The following FAS variants were observed in gnomAD, a reference collection of about 807,000 sequenced individuals.
FAS encodes tumor necrosis factor receptor superfamily member 6.
FAS carries 5 observed loss-of-function variants against 33.2 expected under a neutral mutation model. The observed-to-expected ratio is 0.15, with a 90% confidence interval of 0.08 to 0.32. The LOEUF (loss-of-function observed/expected upper bound fraction) is 0.32, where lower values mean the gene tolerates loss of function less well. Ranked by LOEUF, FAS falls within the 10% of genes least tolerant of loss-of-function variation. The probability of loss-of-function intolerance (pLI) is 1.00; values close to 1 mark genes in which losing one functional copy is unlikely to be tolerated. For missense variants in FAS, 339 were observed against 386.0 expected, an observed-to-expected ratio of 0.88 and a Z score of 1.02; for synonymous variants, 131 against 130.7, an observed-to-expected ratio of 1.00 and a Z score of -0.01.
At chr10:89,002,945 G>A in intron 1 of FAS, 84 bp from the exon 2 acceptor site, 1 of 1,496,114 alleles carries the variant, frequency 6.7e-7, no homozygotes, top group Non-Finnish European at 9.2e-7. Flanking sequence ...AGCAGATACT[G>A]CCAATTTTGG....
intron 1 of FAS, chr10:89,002,803 T>C: frequency 1.9e-6 from 1 of 529,316 alleles, no homozygotes; most frequent in Non-Finnish European, 3.4e-6. Context: ...CTGGCTTCTA[T>C]CATTCATGGT....
chr10:88,966,402 G>A (rs916280495), intron 1 of FAS, among the ~76,000 whole-genome samples: 3 of 152,152 alleles, frequency 2.0e-5, no homozygotes, highest in African/African-American at 4.8e-5. Flanking sequence ...TGGCTTTGAA[G>A]AGTTCACTAA....
chr10:88,972,742 A>G (rs916096631), intron 1 of FAS, among the ~76,000 whole-genome samples: 3 of 152,162 alleles, frequency 2.0e-5, no homozygotes, highest in African/African-American at 4.8e-5. Flanking sequence ...TATAATGTAT[A>G]TTATAAGCCT....
upstream of FAS, among the ~76,000 whole-genome samples, chr10:88,988,302 T>C (rs1391888618): frequency 6.6e-6 from 1 of 152,024 alleles, no homozygotes; most frequent in African/African-American, 2.4e-5. Context: ...TAGCTGGGAG[T>C]TATTAAAATC....
upstream of FAS, chr10:88,989,544 ACAGAG>A (rs1484157800): frequency 1.8e-6 from 1 of 543,272 alleles, no homozygotes; most frequent in Non-Finnish European, 3.7e-6. Flanking sequence ...GAAAGGTGGA[ACAGAG>A]ACAAGCCTAT....
At chr10:89,013,122 G>A (rs1215754932) in intron 7 of FAS, among the ~76,000 whole-genome samples, 2 of 151,918 alleles carry the variant, frequency 1.3e-5, no homozygotes, top group African/African-American at 4.8e-5. Flanking sequence ...TAAAAACTAA[G>A]ACAATATTGC....
intron 1 of FAS, among the ~76,000 whole-genome samples, chr10:88,997,251 C>T (rs557148890): frequency 6.6e-6 from 1 of 152,320 alleles, no homozygotes; most frequent in East Asian, 1.9e-4. Flanking sequence ...GGGGCCTTAG[C>T]ACTTTTTATT....
In FAS at chr10:88,981,222, C is replaced by T. The variant is rs568066732; in HGVS notation, n.260+7875C>T. 6.6e-5 allele frequency among the ~76,000 whole-genome samples: 10 copies of T among 152,284 alleles called. No homozygotes were observed. In the East Asian group the frequency reaches 1.9e-3, roughly 29 times the overall value. ...GCTGTGTGCAAATTAGTTAAACTCA[C>T]CTAACCTATGTTTCTTAATCTGTAA... On this transcript the variant is annotated intron_variant and non_coding_transcript_variant, in intron 2 of 3. Coordinates refer to the FAS transcript ENST00000688239.
At chr10:89,011,977 T>TA (rs1848551874) in intron 6 of FAS, 22 bp from the exon 7 acceptor site, 2 of 1,607,304 alleles carry the variant, frequency 1.2e-6, no homozygotes, top group South Asian at 1.1e-5. Flanking sequence ...CCTGAGTTGA[T>TA]AAAATTTCTT....
At chr10:88,977,005 A>G (rs562577166) in intron 2 of FAS, among the ~76,000 whole-genome samples, 1 of 152,338 alleles carries the variant, frequency 6.6e-6, no homozygotes, top group Non-Finnish European at 1.5e-5. Context: ...ATGCCTACAT[A>G]TCCCAAAGGA....
At chr10:88,967,554 G>A (rs940630208) in intron 1 of FAS, among the ~76,000 whole-genome samples, 1 of 152,084 alleles carries the variant, frequency 6.6e-6, no homozygotes, top group Admixed American at 6.6e-5. Context: ...GACAATCCAC[G>A]TTACCTAAGC....
chr10:88,981,667 G>A (rs1374384594), intron 2 of FAS, among the ~76,000 whole-genome samples: 2 of 152,158 alleles, frequency 1.3e-5, no homozygotes, highest in East Asian at 1.9e-4. Flanking sequence ...ATCCTGGGAA[G>A]GGAACACTGT....
At chr10:88,968,370 T>C (rs1204630289) in intron 1 of FAS, among the ~76,000 whole-genome samples, 1 of 152,078 alleles carries the variant, frequency 6.6e-6, no homozygotes, top group Non-Finnish European at 1.5e-5. Context: ...ATATGCAGGG[T>C]TTTTGATCAT....
At position 89,014,483 on chromosome 10, in the gene FAS, T is replaced by C; in HGVS notation, c.*33T>C. The C allele has an allele frequency of 6.3e-7, 1 of 1,582,338 alleles. No individual in the cohort carries two copies. Among genetic ancestry groups the C allele is most frequent in the Non-Finnish European group, 8.6e-7 (1 of 1,162,528 alleles). ...AACAACAAATTCAGTTCTGAGTATATGCAATTAGTGTTTGAAAAGATTCTT... is the reference window on the plus strand; with the variant it reads ...AACAACAAATTCAGTTCTGAGTATACGCAATTAGTGTTTGAAAAGATTCTT... On this transcript the variant is annotated 3_prime_UTR_variant, in exon 9 of 9. Coordinates refer to ENST00000652046, the MANE Select transcript of FAS (RefSeq NM_000043.6).
chr10:88,979,562 A>G (rs76639263), intron 2 of FAS, among the ~76,000 whole-genome samples: 16,893 of 152,184 alleles, frequency 0.11, 1,275 homozygotes, highest in East Asian at 0.33. Flanking sequence ...AGAGTCTCAC[A>G]CTAGGGCTGT....
chr10:88,984,591 A>G (rs748035159), upstream of FAS, among the ~76,000 whole-genome samples: 18 of 152,174 alleles, frequency 1.2e-4, no homozygotes, highest in Non-Finnish European at 2.2e-4. Flanking sequence ...TATTGTGTTG[A>G]TTTTTGTTTT....
At chr10:88,975,543 G>A (rs374043481) in intron 2 of FAS, among the ~76,000 whole-genome samples, 2 of 152,310 alleles carry the variant, frequency 1.3e-5, no homozygotes, top group South Asian at 2.1e-4. Context: ...GGCATGGAGA[G>A]CAAAGGGAAC....
chr10:89,010,363 C>T (rs1848463209), intron 4 of FAS, among the ~76,000 whole-genome samples, 176 bp from the exon 5 acceptor site: 1 of 152,130 alleles, frequency 6.6e-6, no homozygotes, highest in Non-Finnish European at 1.5e-5. Context: ...ATCCAGCCAT[C>T]CAAATTATAT....
chr10:88,989,741 T>C (rs1212668843), upstream of FAS, among the ~76,000 whole-genome samples: 1 of 152,174 alleles, frequency 6.6e-6, no homozygotes, highest in Non-Finnish European at 1.5e-5. Flanking sequence ...TAATGTGTTA[T>C]TAATGGGTTG....
Sources: gnomAD v4.1 joint callset for allele counts (sites outside exome capture counted in the v4.1 genomes callset) on GRCh38, gnomAD v4.1.1 for gene constraint, MANE v1.5 for transcripts, NCBI Gene and HGNC (gene_info 2026-07-23, HGNC 2026-07-21) for gene names.